The following ALDH2 variants were observed in gnomAD, a reference collection of about 807,000 sequenced individuals.
The protein encoded by ALDH2 is aldehyde dehydrogenase, mitochondrial.
Under a neutral mutation model 59.6 loss-of-function variants are expected in ALDH2, and 44 were observed. That is an observed-to-expected ratio of 0.74 (90% CI 0.58 to 0.95). ALDH2 has a LOEUF of 0.95. Ranked by LOEUF, ALDH2 falls within the 40% of genes least tolerant of loss-of-function variation. The pLI, the probability that ALDH2 is intolerant of heterozygous loss-of-function variation, is 0.00. For missense variants in ALDH2, 570 were observed against 696.3 expected (o/e 0.82, Z 2.04); for synonymous variants, 291 against 284.0 (o/e 1.02, Z -0.25).
rs573257814 is a variant in ALDH2 at position 111,798,674 on chromosome 12, A to G, written c.1248+432A>G. Among the ~76,000 whole-genome samples the G allele has an allele frequency of 3.2e-4, 48 of 152,138 alleles. 1 individual carries two copies. Among genetic ancestry groups the G allele is most frequent in the African/African-American group, 1.1e-3 (46 of 41,532 alleles). ...CTCAGCCTTCTGAGTAGCTGGGACT[A>G]CAGGTGCTCACCACCATGCCTGGCT... On this transcript the variant is annotated intron_variant, in intron 10 of 12. Coordinates refer to ENST00000261733, the MANE Select transcript of ALDH2 (RefSeq NM_000690.4).
rs1453018126 is a variant in ALDH2 at position 111,783,218 on chromosome 12, C to T, written c.280C>T (p.Arg94Cys). 9 of 1,613,280 alleles carry T rather than the reference C, an allele frequency of 5.6e-6. No individual in the cohort carries two copies. The highest frequency in any genetic ancestry group is 5.3e-5 in the African/African-American group (4 of 74,940). Residue 94 changes from arginine to cysteine, a missense_variant, in exon 3 of 13, where the codon CGC (arginine) becomes TGC (cysteine). Arg to Cys is a radical substitution (Grantham distance 180). Transcript: ENST00000261733. ...RAAFQLGSPW[R>C]RMDASHRGRL... ...CGCCTTCCAGCTGGGCTCACCTTGG[C>T]GCCGCATGGACGCATCACACAGGGG...
At chr12:111,790,284 C>G in intron 5 of ALDH2, 150 bp from the exon 6 acceptor site, 1 of 1,033,274 alleles carries the variant, frequency 9.7e-7, no homozygotes. Flanking sequence ...ATCCATTCAT[C>G]TTAAAACCAC....
chr12:111,767,743 TTTA>T (rs899078635), intron 1 of ALDH2, among the ~76,000 whole-genome samples: 1 of 152,232 alleles, frequency 6.6e-6, no homozygotes, highest in African/African-American at 2.4e-5. Flanking sequence ...CTGTGGTCCA[TTTA>T]TTGATTGCTC....
intron 2 of ALDH2, 142 bp downstream of exon 2, chr12:111,782,164 A>C: frequency 1.6e-6 from 1 of 636,510 alleles, no homozygotes; most frequent in Non-Finnish European, 2.8e-6. Flanking sequence ...TAAATTAATC[A>C]ATAGAAACTT....
Position 111,804,348 on chromosome 12 carries a change from C to T in ALDH2, c.1521+375C>T, listed in dbSNP as rs560373324. On this transcript the variant is annotated intron_variant, in intron 12 of 12. Coordinates refer to ENST00000261733, the MANE Select transcript of ALDH2 (RefSeq NM_000690.4). ...GCCTATGCGGTCATTTGCTGGGCTTCGTTATACGCCAAGGCCTGTAGGCCT... is the reference window on the plus strand; with the variant it reads ...GCCTATGCGGTCATTTGCTGGGCTTTGTTATACGCCAAGGCCTGTAGGCCT... Among the ~76,000 whole-genome samples the T allele has an allele frequency of 5.3e-5, 8 of 152,286 alleles. No individual in the cohort carries two copies. In the South Asian group the frequency reaches 6.2e-4, roughly 12 times the overall value.
chr12:111,779,793 G>A (rs1262864363), intron 1 of ALDH2, among the ~76,000 whole-genome samples: 3 of 152,228 alleles, frequency 2.0e-5, no homozygotes, highest in Non-Finnish European at 2.9e-5. Flanking sequence ...TACCAAGCCC[G>A]AAGGGAACAG....
chr12:111,796,762 C>G (rs1202264104), intron 9 of ALDH2, among the ~76,000 whole-genome samples: 1 of 151,696 alleles, frequency 6.6e-6, no homozygotes, highest in African/African-American at 2.4e-5. Flanking sequence ...AAAAATTACC[C>G]AGGTGTGGTG....
chr12:111,783,886 G>A (rs1035028432), intron 3 of ALDH2, among the ~76,000 whole-genome samples: 1 of 152,082 alleles, frequency 6.6e-6, no homozygotes. Context: ...GCCTTCCCAG[G>A]AGAGAGACCC....
intron 11 of ALDH2, among the ~76,000 whole-genome samples, chr12:111,800,483 G>C (rs994149721): frequency 2.8e-4 from 42 of 151,930 alleles, no homozygotes; most frequent in Admixed American, 2.8e-3. Flanking sequence ...AGTGCTGTGG[G>C]GTGCGATTAT....
chr12:111,796,807 A>T (rs1490720030), intron 9 of ALDH2, among the ~76,000 whole-genome samples: 2 of 152,054 alleles, frequency 1.3e-5, no homozygotes, highest in Non-Finnish European at 2.9e-5. Context: ...CGGGAGACTG[A>T]GATGAGAAGA....
chr12:111,767,030 C>A lies in ALDH2; in HGVS notation c.48C>A (p.Leu16=). The A allele has an allele frequency of 6.6e-7, 1 of 1,526,626 alleles. No homozygotes were observed. Among genetic ancestry groups the A allele is most frequent in the Non-Finnish European group, 8.8e-7 (1 of 1,142,828 alleles). 94.6% of individuals were successfully genotyped at this position (1,526,626 alleles called of 1,614,324 possible). The change falls in exon 1 of 13, where the codon CTC becomes CTA. Residue 16 remains leucine (L), a synonymous_variant. Coordinates refer to ENST00000261733, the MANE Select transcript of ALDH2 (RefSeq NM_000690.4). ...ARFGPRLGRR[L]LSAAATQAVP... is the part of the protein sequence containing the mutation. Reference sequence around the variant, plus strand: ...TCGGGCCCCGCCTGGGCCGCCGCCTCTTGTCAGCCGCCGCCACCCAGGCCG... The same window carrying A: ...TCGGGCCCCGCCTGGGCCGCCGCCTATTGTCAGCCGCCGCCACCCAGGCCG...
At chr12:111,767,444 C>T (rs546224185) in intron 1 of ALDH2, among the ~76,000 whole-genome samples, 1 of 152,324 alleles carries the variant, frequency 6.6e-6, no homozygotes, top group South Asian at 2.1e-4. Flanking sequence ...AAGACGCGAC[C>T]AAGTCCCTCT....
intron 1 of ALDH2, among the ~76,000 whole-genome samples, chr12:111,770,158 A>AT (rs397729036): frequency 6.6e-6 from 1 of 150,776 alleles, no homozygotes; most frequent in Non-Finnish European, 1.5e-5. Flanking sequence ...AAAAAAAAAA[A>AT]TGTGGGGGGT....
chr12:111,797,013 G>A (rs985697943), intron 9 of ALDH2, among the ~76,000 whole-genome samples: 1 of 149,906 alleles, frequency 6.7e-6, no homozygotes, highest in Non-Finnish European at 1.5e-5. Context: ...GAGCTGGAGT[G>A]CAATAGCGCG....
At chr12:111,806,257 C>T (rs2068493444) in intron 12 of ALDH2, among the ~76,000 whole-genome samples, 1 of 151,094 alleles carries the variant, frequency 6.6e-6, no homozygotes, top group Non-Finnish European at 1.5e-5. Context: ...GTGGAGCTTG[C>T]AGTGAGCCAA....
chr12:111,767,015 C>A lies in ALDH2; in HGVS notation c.33C>A (p.Arg11=). The stretch of plus-strand genomic sequence containing the variant: ...GCGCTGCCGCCCGCTTCGGGCCCCG[C>A]CTGGGCCGCCGCCTCTTGTCAGCCG... MLRAAARFGP[R]LGRRLLSAAA... Residue 11 remains arginine (R), a synonymous_variant, in exon 1 of 13, where the codon CGC becomes CGA. Coordinates refer to ENST00000261733, the MANE Select transcript of ALDH2 (RefSeq NM_000690.4). 2 of 1,524,500 alleles carry A rather than the reference C, an allele frequency of 1.3e-6. No individual in the cohort carries two copies. Among genetic ancestry groups the A allele is most frequent in the South Asian group, 2.4e-5 (2 of 83,000 alleles). 94.4% of individuals were successfully genotyped at this position (1,524,500 alleles called of 1,614,324 possible). A position where few individuals can be genotyped will look rare whatever the true frequency, so the allele number is the denominator to read the frequency against.
At chr12:111,771,971 C>T (rs1223935341) in intron 1 of ALDH2, among the ~76,000 whole-genome samples, 1 of 151,978 alleles carries the variant, frequency 6.6e-6, no homozygotes. Flanking sequence ...TGGTAGCCCA[C>T]GCTTGTAATC....
At position 111,809,948 on chromosome 12, in the gene ALDH2, G is replaced by A; in HGVS notation, c.*373G>A. Reference sequence around the variant, plus strand: ...CTGCTACACCCTGCTTTGTATTCTGGGCTAAGATTCATTAAAAACTAGCTG... The same window carrying A: ...CTGCTACACCCTGCTTTGTATTCTGAGCTAAGATTCATTAAAAACTAGCTG... On this transcript the variant is annotated 3_prime_UTR_variant, in exon 13 of 13. Transcript: ENST00000261733. 3.5e-6 allele frequency: 1 copy of A among 283,814 alleles called. No individual in the cohort carries two copies. The allele number at this position is 283,814 out of a possible 1,614,324, so 17.6% of individuals were successfully genotyped here.
intron 12 of ALDH2, among the ~76,000 whole-genome samples, chr12:111,809,101 G>C (rs867987872): frequency 6.6e-6 from 1 of 152,112 alleles, no homozygotes; most frequent in Non-Finnish European, 1.5e-5. Flanking sequence ...AGCTCCAGGG[G>C]CAAGACCCAG....
Sources: gnomAD v4.1 joint callset for allele counts (sites outside exome capture counted in the v4.1 genomes callset) on GRCh38, gnomAD v4.1.1 for gene constraint, MANE v1.5 for transcripts, NCBI Gene and HGNC (gene_info 2026-07-23, HGNC 2026-07-21) for gene names.